ABHD2: variants seen among roughly 807,000 people sequenced by gnomAD.
ABHD2 encodes the protein monoacylglycerol lipase ABHD2.
Under a neutral mutation model 48.1 loss-of-function variants are expected in ABHD2, and 20 were observed. The ratio of observed to expected loss-of-function variants is 0.42; its 90% CI spans 0.29 to 0.60. The LOEUF is 0.60. Ranked by LOEUF, ABHD2 falls within the 20% of genes least tolerant of loss-of-function variation. The pLI, the probability that ABHD2 is intolerant of heterozygous loss-of-function variation, is 0.24. For synonymous variants in ABHD2, 209 were observed against 214.2 expected, an observed-to-expected ratio of 0.98 and a Z score of 0.21; for missense variants, 405 against 550.9, an observed-to-expected ratio of 0.74 and a Z score of 2.65.
the ABHD2 span, among the ~76,000 whole-genome samples, chr15:89,054,860 C>A: frequency 6.6e-6 from 1 of 150,626 alleles, no homozygotes; most frequent in Non-Finnish European, 1.5e-5. Flanking sequence ...TCTAAAAAAA[C>A]ATTTTTCTAA....
At chr15:89,113,147 G>A (rs1286972322) in intron 1 of ABHD2, among the ~76,000 whole-genome samples, 2 of 152,110 alleles carry the variant, frequency 1.3e-5, no homozygotes, top group East Asian at 3.9e-4. Context: ...AGCTTCTGGC[G>A]CTTCTCAGCA....
the ABHD2 span, among the ~76,000 whole-genome samples, chr15:89,065,481 C>A: frequency 6.6e-6 from 1 of 152,100 alleles, no homozygotes; most frequent in Non-Finnish European, 1.5e-5. Flanking sequence ...CCTCTTGTTT[C>A]TTTTCCTGAC....
At chr15:89,108,924 C>T (rs1255407169) in intron 1 of ABHD2, among the ~76,000 whole-genome samples, 1 of 152,222 alleles carries the variant, frequency 6.6e-6, no homozygotes, top group African/African-American at 2.4e-5. Flanking sequence ...GAATCTCAGA[C>T]ATTTCTAGCT....
Position 89,116,393 on chromosome 15 carries a change from G to T in ABHD2, c.66G>T (p.Val22=). 1 of 1,614,220 alleles carries T rather than the reference G, an allele frequency of 6.2e-7. No homozygotes were observed. Among genetic ancestry groups the T allele is most frequent in the Non-Finnish European group, 8.5e-7 (1 of 1,180,044 alleles). Residue 22 remains valine, a synonymous_variant, in exon 3 of 11, where the codon GTG becomes GTT. Coordinates refer to ENST00000352732, the MANE Select transcript of ABHD2 (RefSeq NM_152924.5). This position sits in a 1 kb window ranked among gnomAD's most constrained non-coding sequence, Gnocchi z 4.6. ...TTGATGGAGTGAAGCTGGCTGCAGT[G>T]GCTGCTGTGCTGTACGTGATCGTCC... The part of the protein sequence containing the change: ...AVFDGVKLAA[V]AAVLYVIVRC...
Position 89,166,536 on chromosome 15 carries a change from G to A in ABHD2, c.539-9276G>A, listed in dbSNP as rs2050840783. On this transcript the variant is annotated intron_variant, in intron 5 of 10. Coordinates refer to ENST00000352732, the MANE Select transcript of ABHD2 (RefSeq NM_152924.5). The surrounding 1 kb of genome is among the most constrained non-coding windows in gnomAD (Gnocchi z 4.6). ...TAAGGCTGCAGTGAACCGTGATCAT[G>A]CCACTGCACTCCAGCCTGGGTGACA... Among the ~76,000 whole-genome samples, 1 of 152,162 alleles carries A rather than the reference G, an allele frequency of 6.6e-6. No homozygotes were observed. The highest frequency in any genetic ancestry group is 6.5e-5 in the Admixed American group (1 of 15,276).
rs938541061 is a variant in ABHD2, at chr15:89,195,160, C to T, written c.1082-67C>T. The T allele has an allele frequency of 1.3e-6, 2 of 1,556,586 alleles. No individual in the cohort carries two copies. Among genetic ancestry groups the T allele is most frequent in the Non-Finnish European group, 1.7e-6 (2 of 1,147,952 alleles). Reference sequence around the variant, plus strand: ...CAGCCAGGCTACCCTAGCCAGCTCACCTCTGCACCTCCTGTCCTGGAGCAA... The same window carrying T: ...CAGCCAGGCTACCCTAGCCAGCTCATCTCTGCACCTCCTGTCCTGGAGCAA... On this transcript the variant is annotated intron_variant, in intron 10 of 10. Coordinates refer to ENST00000352732, the MANE Select transcript of ABHD2 (RefSeq NM_152924.5). The surrounding 1 kb of genome is among the most constrained non-coding windows in gnomAD (Gnocchi z 5.1).
chr15:89,167,611 A>G lies in ABHD2; in HGVS notation c.539-8201A>G, dbSNP rs1400689671. ...TTAGGCATCCTATACCTGGGGAAAC[A>G]AGGCTGAAAACACTCATTTTTTAAA... On this transcript the variant is annotated intron_variant, in intron 5 of 10. Coordinates refer to ENST00000352732, the MANE Select transcript of ABHD2 (RefSeq NM_152924.5). This position sits in a 1 kb window ranked among gnomAD's most constrained non-coding sequence, Gnocchi z 5.5. Among the ~76,000 whole-genome samples the G allele has an allele frequency of 6.6e-6, 1 of 152,200 alleles. No individual in the cohort carries two copies. The highest frequency in any genetic ancestry group is 2.4e-5 in the African/African-American group (1 of 41,442).
At chr15:89,081,858 TAATA>T in the ABHD2 span, among the ~76,000 whole-genome samples, 1 of 152,084 alleles carries the variant, frequency 6.6e-6, no homozygotes, top group African/African-American at 2.4e-5. Flanking sequence ...CTCAAAAAAT[TAATA>T]AATAAAAATA....
At chr15:89,158,978 C>T (rs1296777078) in intron 5 of ABHD2, among the ~76,000 whole-genome samples, 1 of 151,696 alleles carries the variant, frequency 6.6e-6, no homozygotes, top group Non-Finnish European at 1.5e-5. Flanking sequence ...TATTCTTATT[C>T]AAATACTTGA....
At chr15:89,048,059 G>T in the ABHD2 span, among the ~76,000 whole-genome samples, 1 of 151,806 alleles carries the variant, frequency 6.6e-6, no homozygotes, top group African/African-American at 2.4e-5. Flanking sequence ...TCCATGTTTA[G>T]CGCTTCCTTC....
intron 3 of ABHD2, among the ~76,000 whole-genome samples, chr15:89,144,688 C>T (rs369131310): frequency 1.2e-4 from 18 of 152,180 alleles, no homozygotes; most frequent in Middle Eastern, 3.4e-3. Flanking sequence ...GAATGGGAGA[C>T]GGAGAAAATG....
chr15:89,083,519 A>G (rs538143494), upstream of ABHD2, among the ~76,000 whole-genome samples: 4 of 152,304 alleles, frequency 2.6e-5, no homozygotes, highest in Admixed American at 2.6e-4. The surrounding 1 kb of genome is among the most constrained non-coding windows in gnomAD (Gnocchi z 5.1). Context: ...TGTGTGTTTC[A>G]TGAGCATTTT....
In ABHD2 at chr15:89,184,863, T is replaced by C. The variant is rs2051179219; in HGVS notation, c.723-561T>C. ...GCCTACAAAGGGTTAAGGGCCTGTC[T>C]ACTTCCACTTCGATTTCCTTGCCTC... On this transcript the variant is annotated intron_variant, in intron 6 of 10. Coordinates refer to ENST00000352732, the MANE Select transcript of ABHD2 (RefSeq NM_152924.5). This position sits in a 1 kb window ranked among gnomAD's most constrained non-coding sequence, Gnocchi z 5.1. Among the ~76,000 whole-genome samples, 1 of 152,236 alleles carries C rather than the reference T, an allele frequency of 6.6e-6. No homozygotes were observed. Among genetic ancestry groups the C allele is most frequent in the African/African-American group, 2.4e-5 (1 of 41,454 alleles).
At chr15:89,072,231 T>G in the ABHD2 span, among the ~76,000 whole-genome samples, 1 of 152,160 alleles carries the variant, frequency 6.6e-6, no homozygotes, top group Non-Finnish European at 1.5e-5. Context: ...ATCCCAGAAC[T>G]CTGGGAGACC....
the ABHD2 span, among the ~76,000 whole-genome samples, chr15:89,043,490 GA>G: frequency 1.2e-3 from 151 of 124,364 alleles, no homozygotes; most frequent in African/African-American, 4.3e-3. Context: ...GAAGAAGGGG[GA>G]GGGGGAGGAA....
At chr15:89,072,335 G>A in the ABHD2 span, among the ~76,000 whole-genome samples, 2 of 147,062 alleles carry the variant, frequency 1.4e-5, no homozygotes, top group African/African-American at 5.0e-5. Flanking sequence ...AATTAGCCAG[G>A]CATGGTGGTG....
rs1169137893 is a variant in ABHD2, at chr15:89,195,080, T to C, written c.1082-147T>C. On this transcript the variant is annotated intron_variant, in intron 10 of 10. Coordinates refer to ENST00000352732, the MANE Select transcript of ABHD2 (RefSeq NM_152924.5). This position sits in a 1 kb window ranked among gnomAD's most constrained non-coding sequence, Gnocchi z 5.1. ...ACTGTCTTGCCTGCCCCCTCTTTGG[T>C]GAACAAGGCAGAGTGAGTAGAGGTT... The C allele has an allele frequency of 4.8e-6, 4 of 840,910 alleles. No individual in the cohort carries two copies. In the Admixed American group the frequency reaches 1.1e-4, roughly 23 times the overall value. 52.1% of individuals were successfully genotyped at this position (840,910 alleles called of 1,614,324 possible).
chr15:89,042,267 C>G, the ABHD2 span, among the ~76,000 whole-genome samples: 1 of 152,176 alleles, frequency 6.6e-6, no homozygotes, highest in Non-Finnish European at 1.5e-5. Context: ...CTTAGGACCA[C>G]TCAGTGACAC....
At chr15:89,062,658 G>A in the ABHD2 span, among the ~76,000 whole-genome samples, 794 of 152,192 alleles carry the variant, frequency 5.2e-3, 7 homozygotes, top group African/African-American at 0.018. Flanking sequence ...AAAGTACTAG[G>A]ATTACAGGCG....
Sources: gnomAD v4.1 joint callset for allele counts (sites outside exome capture counted in the v4.1 genomes callset) on GRCh38, gnomAD v4.1.1 for gene constraint, Gnocchi (gnomAD v3.1) non-coding constraint, MANE v1.5 for transcripts, NCBI Gene and HGNC (gene_info 2026-07-23, HGNC 2026-07-21) for gene names.